Variants in PLEKHG4B observed in about 807,000 individuals in gnomAD.
The protein encoded by PLEKHG4B is pleckstrin homology and RhoGEF domain containing G4B, also known as pleckstrin homology domain-containing family G member 4B.
A neutral mutation model predicts 121.3 loss-of-function variants in PLEKHG4B; 111 were observed. The ratio of observed to expected loss-of-function variants is 0.92; its 90% CI spans 0.78 to 1.07. The LOEUF (loss-of-function observed/expected upper bound fraction) is 1.07, where lower values mean the gene tolerates loss of function less well. PLEKHG4B is among the 50% of genes least tolerant of loss of function. The pLI is 0.00. For missense variants in PLEKHG4B, 1,831 were observed against 1,757.8 expected (o/e 1.04, Z -0.74); for synonymous variants, 738 against 725.0 (o/e 1.02, Z -0.29).
intron 1 of PLEKHG4B, among the ~76,000 whole-genome samples, chr5:95,173 T>G (rs1324180446): frequency 6.6e-6 from 1 of 152,202 alleles, no homozygotes; most frequent in African/African-American, 2.4e-5. Context: ...AGATACTTTG[T>G]GGTGAATTTG....
At chr5:119,742 G>A (rs972578312) in intron 2 of PLEKHG4B, among the ~76,000 whole-genome samples, 2 of 152,186 alleles carry the variant, frequency 1.3e-5, no homozygotes, top group Admixed American at 1.3e-4. Flanking sequence ...GATGGAGAGG[G>A]GAGCAAGCCC....
chr5:165,005 G>C (rs111966240), intron 13 of PLEKHG4B, among the ~76,000 whole-genome samples: 1 of 47,464 alleles, frequency 2.1e-5, no homozygotes, highest in Non-Finnish European at 4.4e-5. Flanking sequence ...GACGGGGCAG[G>C]GCTCACAGTA....
chr5:114,053 A>G (rs1441151797), intron 2 of PLEKHG4B, among the ~76,000 whole-genome samples: 1 of 152,212 alleles, frequency 6.6e-6, no homozygotes, highest in Non-Finnish European at 1.5e-5. Context: ...TTAGGTCTAA[A>G]AACAGCATAC....
chr5:162,616 G>GC, intron 12 of PLEKHG4B, 106 bp from the exon 13 acceptor site: 1 of 826,082 alleles, frequency 1.2e-6, no homozygotes, highest in Non-Finnish European at 1.7e-6. Flanking sequence ...CTGCTTTCTG[G>GC]CCCCCTGGTC....
At chr5:170,578 G>A (rs760816543) in intron 14 of PLEKHG4B, among the ~76,000 whole-genome samples, 12 of 152,182 alleles carry the variant, frequency 7.9e-5, no homozygotes, top group Non-Finnish European at 1.6e-4. Context: ...GGGATTACAG[G>A]TGTGAGCCAC....
In PLEKHG4B at chr5:183,168, G is replaced by C. The variant is rs971479634; in HGVS notation, c.*845G>C. 15 of 152,222 alleles carry C rather than the reference G, an allele frequency of 9.9e-5. No individual in the cohort carries two copies. The highest frequency in any genetic ancestry group is 3.4e-4 in the African/African-American group (14 of 41,456). 9.4% of individuals were successfully genotyped at this position (152,222 alleles called of 1,614,324 possible). A position where few individuals can be genotyped will look rare whatever the true frequency, so the allele number is the denominator to read the frequency against. On this transcript the variant is annotated 3_prime_UTR_variant, in exon 20 of 20. Coordinates refer to ENST00000637938, the MANE Select transcript of PLEKHG4B (RefSeq NM_052909.5). ...GATAATTAGCCCTAGACTGAGCCCT[G>C]CTCCTGACTCGCCTACAAAATCATA...
intron 1 of PLEKHG4B, among the ~76,000 whole-genome samples, chr5:103,028 G>A (rs1184398830): frequency 6.6e-6 from 1 of 152,172 alleles, no homozygotes. Flanking sequence ...CCCCTCCATT[G>A]CAGAGTTACC....
chr5:155,555 A>T (rs1260177361), intron 9 of PLEKHG4B, 112 bp downstream of exon 9: 11 of 802,274 alleles, frequency 1.4e-5, no homozygotes, highest in Non-Finnish European at 1.9e-5. Context: ...TGTAGCAGAG[A>T]CCTTCAAATC....
chr5:147,103 G>T (rs916349272), intron 6 of PLEKHG4B, among the ~76,000 whole-genome samples: 1 of 152,182 alleles, frequency 6.6e-6, no homozygotes, highest in Non-Finnish European at 1.5e-5. Context: ...GCTGGACAAG[G>T]GGCTGAGGTG....
At position 159,788 on chromosome 5, in the gene PLEKHG4B, C is replaced by A. The variant is rs1370200222; in HGVS notation, c.2488-1995C>A. The stretch of plus-strand genomic sequence containing the variant: ...AGTGTTCACCTGCCAGGGAACAGAC[C>A]CTGGGCCCTGTGGAGCAGGGTGCCC... On this transcript the variant is annotated intron_variant, in intron 11 of 19. Coordinates refer to ENST00000637938, the MANE Select transcript of PLEKHG4B (RefSeq NM_052909.5). The surrounding 1 kb of genome is among the most constrained non-coding windows in gnomAD (Gnocchi z 5.5). 6.6e-6 allele frequency among the ~76,000 whole-genome samples: 1 copy of A among 152,172 alleles called. No individual in the cohort carries two copies. The highest frequency in any genetic ancestry group is 1.5e-5 in the Non-Finnish European group (1 of 68,034).
intron 13 of PLEKHG4B, 139 bp from the exon 14 acceptor site, chr5:169,201 T>C (rs1393422914): frequency 1.7e-6 from 2 of 1,184,472 alleles, no homozygotes; most frequent in South Asian, 3.0e-5. Flanking sequence ...GCATCCCACA[T>C]GTGCCCATGT....
rs1041242146 is a variant in PLEKHG4B, at chr5:172,875, C to T, written c.4051-22C>T. 2.5e-6 allele frequency: 4 copies of T among 1,613,448 alleles called. No homozygotes were observed. The South Asian group carries it at 4.4e-5, about 18-fold the overall frequency. On this transcript the variant is annotated intron_variant, in intron 16 of 19. Transcript: ENST00000637938. ...GACGCCGGATTTTCTTGGATGAAAT[C>T]CACCTGTGTGTTCCTCTGCAGGTGA...
chr5:128,243 G>T (rs1734678559), intron 2 of PLEKHG4B, among the ~76,000 whole-genome samples: 1 of 152,148 alleles, frequency 6.6e-6, no homozygotes, highest in Admixed American at 6.5e-5. Flanking sequence ...GGACAGCTTT[G>T]CAGGGCCATT....
At chr5:129,360 A>G (rs1156827415) in intron 2 of PLEKHG4B, among the ~76,000 whole-genome samples, 1 of 152,174 alleles carries the variant, frequency 6.6e-6, no homozygotes, top group African/African-American at 2.4e-5. Flanking sequence ...TTCTTTAGGC[A>G]GAGCTTACCT....
chr5:134,649 C>T (rs188943756), intron 2 of PLEKHG4B, among the ~76,000 whole-genome samples: 3 of 151,496 alleles, frequency 2.0e-5, no homozygotes, highest in Admixed American at 6.6e-5. Context: ...GCCTGTAATC[C>T]GAGCTACTCG....
At position 139,588 on chromosome 5, in the gene PLEKHG4B, G is replaced by T. The variant is rs1560920823; in HGVS notation, c.349G>T (p.Gly117Trp). The change falls in exon 3 of 20, where the codon GGG becomes TGG. Residue 117 changes from glycine (G) to tryptophan (W), a missense_variant. Physicochemically the swap from Gly to Trp is radical, Grantham distance 184. Coordinates refer to ENST00000637938, the MANE Select transcript of PLEKHG4B (RefSeq NM_052909.5). This position sits in a 1 kb window ranked among gnomAD's most constrained non-coding sequence, Gnocchi z 5.0. The part of the protein sequence containing the change: ...ASLHGVRLQP[G>W]DFYLQVTSAG... ...CCTGCACGGAGTCAGGCTCCAGCCC[G>T]GGGACTTCTACCTGCAGGTCACGTC... 1 of 398,916 alleles carries T rather than the reference G, an allele frequency of 2.5e-6. No homozygotes were observed. Among genetic ancestry groups the T allele is most frequent in the East Asian group, 3.6e-5 (1 of 28,080 alleles). 24.7% of individuals were successfully genotyped at this position (398,916 alleles called of 1,614,324 possible). A position where few individuals can be genotyped will look rare whatever the true frequency, so the allele number is the denominator to read the frequency against.
At position 157,863 on chromosome 5, in the gene PLEKHG4B, C is replaced by G. The variant is rs1019418211; in HGVS notation, c.2487+952C>G. 2.6e-5 allele frequency among the ~76,000 whole-genome samples: 4 copies of G among 152,292 alleles called. No individual in the cohort carries two copies. Among genetic ancestry groups the G allele is most frequent in the Admixed American group, 2.6e-4 (4 of 15,302 alleles). ...AGGCAGCAGTGGGGTGGAGGCATCCCCAGCCCTCCTGTCTGCTGGCAAAGC... is the reference window on the plus strand; with the variant it reads ...AGGCAGCAGTGGGGTGGAGGCATCCGCAGCCCTCCTGTCTGCTGGCAAAGC... On this transcript the variant is annotated intron_variant, in intron 11 of 19. Coordinates refer to ENST00000637938, the MANE Select transcript of PLEKHG4B (RefSeq NM_052909.5). The surrounding 1 kb of genome is among the most constrained non-coding windows in gnomAD (Gnocchi z 4.6).
intron 2 of PLEKHG4B, among the ~76,000 whole-genome samples, chr5:134,834 A>T (rs943550723): frequency 6.6e-6 from 1 of 152,092 alleles, no homozygotes; most frequent in Non-Finnish European, 1.5e-5. Flanking sequence ...GTTGGAGGAT[A>T]CAAAATCAAC....
chr5:104,276 C>T (rs1733909424), intron 1 of PLEKHG4B, among the ~76,000 whole-genome samples: 1 of 152,074 alleles, frequency 6.6e-6, no homozygotes, highest in Non-Finnish European at 1.5e-5. Flanking sequence ...AGCCCAGTCC[C>T]AGCACCGATT....
Sources: gnomAD v4.1 joint callset for allele counts (sites outside exome capture counted in the v4.1 genomes callset) on GRCh38, gnomAD v4.1.1 for gene constraint, Gnocchi (gnomAD v3.1) non-coding constraint, MANE v1.5 for transcripts, NCBI Gene and HGNC (gene_info 2026-07-23, HGNC 2026-07-21) for gene names.